The following RCAN2 variants were observed in gnomAD, a reference collection of about 807,000 sequenced individuals.
RCAN2 encodes the protein calcipressin-2.
RCAN2 carries 9 observed loss-of-function variants against 23.6 expected under a neutral mutation model. The ratio of observed to expected loss-of-function variants is 0.38; its 90% CI spans 0.23 to 0.67. The LOEUF (loss-of-function observed/expected upper bound fraction) is 0.67, where lower values mean the gene tolerates loss of function less well. Among genes scored for constraint, RCAN2 ranks in the 30% least tolerant of loss-of-function variants. RCAN2 has a pLI of 0.51. For missense variants in RCAN2, 273 were observed against 302.3 expected (o/e 0.90, Z 0.72); for synonymous variants, 109 against 115.7 (o/e 0.94, Z 0.37).
chr6:46,273,861 CT>C (rs566745437), intron 2 of RCAN2, among the ~76,000 whole-genome samples: 5 of 150,168 alleles, frequency 3.3e-5, no homozygotes, highest in East Asian at 2.0e-4. Context: ...GTGGCAGATT[CT>C]TTTTTTTTTA....
chr6:46,279,848 A>G (rs983802875), intron 2 of RCAN2, among the ~76,000 whole-genome samples: 3 of 152,224 alleles, frequency 2.0e-5, no homozygotes, highest in Non-Finnish European at 2.9e-5. Flanking sequence ...ATTTAATGAG[A>G]TAATGCACAA....
chr6:46,436,266 G>T (rs997017461), intron 2 of RCAN2, among the ~76,000 whole-genome samples: 1 of 152,244 alleles, frequency 6.6e-6, no homozygotes, highest in Admixed American at 6.5e-5. Context: ...AGCCTAGAGT[G>T]CAGTGGCACA....
chr6:46,283,734 T>TTA (rs960575489), intron 2 of RCAN2, among the ~76,000 whole-genome samples: 1 of 152,240 alleles, frequency 6.6e-6, no homozygotes, highest in African/African-American at 2.4e-5. Context: ...TTAACTGAGA[T>TTA]ATTAGAATAC....
At chr6:46,460,381 A>G (rs955667099) in intron 1 of RCAN2, among the ~76,000 whole-genome samples, 24 of 152,262 alleles carry the variant, frequency 1.6e-4, no homozygotes, top group African/African-American at 5.8e-4. Flanking sequence ...TTTTTTAATT[A>G]ATATCAAACT....
At chr6:46,235,029 G>A (rs1389530322) in intron 4 of RCAN2, among the ~76,000 whole-genome samples, 1 of 152,178 alleles carries the variant, frequency 6.6e-6, no homozygotes, top group Admixed American at 6.5e-5. Flanking sequence ...GGCAGTCCAA[G>A]TGCCACTGAG....
intron 2 of RCAN2, among the ~76,000 whole-genome samples, chr6:46,456,431 T>C (rs1768032982): frequency 6.6e-6 from 1 of 152,328 alleles, no homozygotes; most frequent in South Asian, 2.1e-4. Flanking sequence ...AGGAAACTTT[T>C]AGGAGTTTAA....
intron 2 of RCAN2, among the ~76,000 whole-genome samples, chr6:46,421,506 G>A (rs896021590): frequency 3.3e-5 from 5 of 152,220 alleles, no homozygotes; most frequent in African/African-American, 4.8e-5. Context: ...TTAAATTTAA[G>A]ATGACAGTGA....
intron 2 of RCAN2, among the ~76,000 whole-genome samples, chr6:46,398,724 A>G (rs1037926942): frequency 3.9e-5 from 6 of 152,294 alleles, no homozygotes; most frequent in African/African-American, 1.2e-4. Flanking sequence ...TAGAGAAAGT[A>G]GTGAATACCA....
chr6:46,398,838 T>C (rs190914864), intron 2 of RCAN2, among the ~76,000 whole-genome samples: 152 of 152,134 alleles, frequency 1.0e-3, no homozygotes, highest in Non-Finnish European at 1.8e-3. Context: ...CATTCCATAT[T>C]AATGGGTGCA....
intron 2 of RCAN2, among the ~76,000 whole-genome samples, chr6:46,369,066 ATTG>A (rs916795497): frequency 2.6e-4 from 40 of 152,086 alleles, no homozygotes; most frequent in African/African-American, 9.4e-4. Flanking sequence ...TGTTTTTTAA[ATTG>A]TTATTTTTTT....
At chr6:46,302,679 A>G (rs528631678) in intron 2 of RCAN2, among the ~76,000 whole-genome samples, 1 of 152,182 alleles carries the variant, frequency 6.6e-6, no homozygotes, top group Non-Finnish European at 1.5e-5. Flanking sequence ...CAAACATGGT[A>G]TCAACTGAAA....
intron 2 of RCAN2, among the ~76,000 whole-genome samples, chr6:46,288,050 C>T (rs1028206336): frequency 2.0e-5 from 3 of 152,138 alleles, no homozygotes; most frequent in African/African-American, 7.2e-5. Flanking sequence ...TCTTATTCAT[C>T]CAATGAATAT....
At chr6:46,363,822 C>T (rs575713676) in intron 2 of RCAN2, among the ~76,000 whole-genome samples, 2 of 151,804 alleles carry the variant, frequency 1.3e-5, no homozygotes, top group East Asian at 3.9e-4. Flanking sequence ...AAATGCTAGG[C>T]TTTATTCAAC....
chr6:46,381,165 A>C (rs1351714269), intron 2 of RCAN2, among the ~76,000 whole-genome samples: 2 of 152,164 alleles, frequency 1.3e-5, no homozygotes, highest in Non-Finnish European at 2.9e-5. Flanking sequence ...CCCCCATCTC[A>C]TTTCAGAAAA....
At chr6:46,413,862 C>T (rs1211495885) in intron 2 of RCAN2, among the ~76,000 whole-genome samples, 2 of 152,220 alleles carry the variant, frequency 1.3e-5, no homozygotes, top group East Asian at 1.9e-4. Context: ...CTAATATCGT[C>T]GGTGGGATGG....
At chr6:46,409,689 A>C (rs1766495997) in intron 2 of RCAN2, among the ~76,000 whole-genome samples, 1 of 152,194 alleles carries the variant, frequency 6.6e-6, no homozygotes, top group Admixed American at 6.5e-5. Flanking sequence ...ACATTTTACT[A>C]TTTCCTCCAT....
At chr6:46,298,759 T>C (rs1232045422) in intron 2 of RCAN2, among the ~76,000 whole-genome samples, 1 of 152,046 alleles carries the variant, frequency 6.6e-6, no homozygotes, top group Non-Finnish European at 1.5e-5. Flanking sequence ...CACTACTGGG[T>C]ATAAACCAAA....
chr6:46,369,423 C>A (rs1446385972), intron 2 of RCAN2, among the ~76,000 whole-genome samples: 1 of 152,072 alleles, frequency 6.6e-6, no homozygotes, highest in African/African-American at 2.4e-5. Flanking sequence ...ATTGTATGTG[C>A]TAGACTTTTA....
intron 2 of RCAN2, among the ~76,000 whole-genome samples, chr6:46,269,400 CT>C (rs1369605961): frequency 1.3e-5 from 2 of 152,176 alleles, no homozygotes; most frequent in African/African-American, 2.4e-5. Context: ...CAGCTGTGTT[CT>C]TGTGTTACAG....
Sources: allele counts gnomAD v4.1 joint callset (sites outside exome capture counted in the v4.1 genomes callset), GRCh38; gene constraint gnomAD v4.1.1; transcripts MANE v1.5; gene names NCBI Gene and HGNC (gene_info 2026-07-23, HGNC 2026-07-21).